Variants in LINGO2 observed in about 807,000 individuals in gnomAD.
LINGO2 encodes leucine-rich repeat and immunoglobulin-like domain-containing nogo receptor-interacting protein 2.
Under a neutral mutation model 30.6 loss-of-function variants are expected in LINGO2, and 14 were observed. The observed-to-expected ratio is 0.46, with a 90% CI of 0.30 to 0.72. The LOEUF is 0.72. Ranked by LOEUF, LINGO2 falls within the 30% of genes least tolerant of loss-of-function variation. LINGO2 has a pLI of 0.07. For missense variants in LINGO2, 729 were observed against 751.7 expected (o/e 0.97, Z 0.35); for synonymous variants, 317 against 288.5 (o/e 1.10, Z -1.00).
chr9:28,107,492 T>C (rs149787972), intron 4 of LINGO2, among the ~76,000 whole-genome samples: 8 of 152,258 alleles, frequency 5.3e-5, no homozygotes, highest in Admixed American at 5.2e-4. Context: ...CTAAGGTTTC[T>C]TCTACCTCTA....
the LINGO2 span, among the ~76,000 whole-genome samples, chr9:29,052,763 GTAC>G: frequency 6.6e-6 from 1 of 152,170 alleles, no homozygotes; most frequent in East Asian, 1.9e-4. Flanking sequence ...CAGGCCACCG[GTAC>G]TACCAGTCTG....
chr9:28,052,808 A>G (rs1388520215), intron 4 of LINGO2, among the ~76,000 whole-genome samples: 1 of 152,112 alleles, frequency 6.6e-6, no homozygotes, highest in Non-Finnish European at 1.5e-5. Flanking sequence ...GACATTTGGC[A>G]TCAAAGGGTT....
chr9:28,214,308 A>G lies in LINGO2; in HGVS notation c.-87+80900T>C, dbSNP rs538068788. 5.3e-5 allele frequency among the ~76,000 whole-genome samples: 8 copies of G among 151,778 alleles called. No individual in the cohort carries two copies. The East Asian group carries it at 1.5e-3, about 29-fold the overall frequency. On this transcript the variant is annotated intron_variant, in intron 4 of 5. Coordinates refer to ENST00000379992, the Ensembl canonical transcript of LINGO2. ...CAGCTGATAATAGTGAAAGTTGTAC[A>G]GGTATTCAAGGCAGTCATTCCCAAT...
chr9:29,113,947 T>G, the LINGO2 span, among the ~76,000 whole-genome samples: 1 of 147,958 alleles, frequency 6.8e-6, no homozygotes, highest in Non-Finnish European at 1.5e-5. Context: ...CTGAGAAAAT[T>G]TACCAAAGCT....
the LINGO2 span, among the ~76,000 whole-genome samples, chr9:29,036,433 T>C: frequency 6.6e-6 from 1 of 152,208 alleles, no homozygotes; most frequent in African/African-American, 2.4e-5. Flanking sequence ...ATCATTGTAG[T>C]AGTGTGAACC....
At chr9:28,324,643 C>T (rs1049352697) in intron 3 of LINGO2, among the ~76,000 whole-genome samples, 1 of 152,094 alleles carries the variant, frequency 6.6e-6, no homozygotes, top group Non-Finnish European at 1.5e-5. Flanking sequence ...ATACTTCCAC[C>T]AGTGCCATAA....
the LINGO2 span, among the ~76,000 whole-genome samples, chr9:29,116,462 A>T: frequency 1.3e-5 from 2 of 152,080 alleles, no homozygotes; most frequent in African/African-American, 4.8e-5. Flanking sequence ...TCTTGTTTTT[A>T]AAAAATGGAA....
At chr9:28,645,999 T>A (rs955415460) in intron 1 of LINGO2, among the ~76,000 whole-genome samples, 1 of 152,166 alleles carries the variant, frequency 6.6e-6, no homozygotes, top group Non-Finnish European at 1.5e-5. Flanking sequence ...TTTTTTAAAT[T>A]CAAAATGATT....
the LINGO2 span, among the ~76,000 whole-genome samples, chr9:29,023,034 A>T: frequency 6.6e-6 from 1 of 152,200 alleles, no homozygotes; most frequent in South Asian, 2.1e-4. Flanking sequence ...AGTAATTAAC[A>T]CCATGCTGCC....
chr9:28,326,497 CTGTT>C (rs1825234514), intron 3 of LINGO2, among the ~76,000 whole-genome samples: 1 of 152,102 alleles, frequency 6.6e-6, no homozygotes, highest in Admixed American at 6.5e-5. Flanking sequence ...TCACTGCTTC[CTGTT>C]TGTTTCTTAT....
intron 4 of LINGO2, among the ~76,000 whole-genome samples, chr9:28,243,293 C>A (rs561543852): frequency 6.6e-6 from 1 of 151,764 alleles, no homozygotes; most frequent in Non-Finnish European, 1.5e-5. Context: ...CCCATCTGTA[C>A]TAAAAAATAC....
the LINGO2 span, among the ~76,000 whole-genome samples, chr9:29,188,444 C>T: frequency 6.6e-6 from 1 of 152,296 alleles, no homozygotes; most frequent in East Asian, 1.9e-4. Flanking sequence ...AGCAACCATC[C>T]GATTTCTCAA....
chr9:28,159,741 C>CAAAT (rs1828234166), intron 4 of LINGO2, among the ~76,000 whole-genome samples: 1 of 152,128 alleles, frequency 6.6e-6, no homozygotes. Context: ...AAACAAGAGC[C>CAAAT]AAATGGCATG....
In LINGO2 at chr9:28,481,508, T is replaced by A. The variant is rs942506444; in HGVS notation, c.-364-5483A>T. Reference sequence around the variant, plus strand: ...AGGAACATTCCTTTGAGTCTCTTTATTTTCAAGTATTTGTCACCTTCCAAT... The same window carrying A: ...AGGAACATTCCTTTGAGTCTCTTTAATTTCAAGTATTTGTCACCTTCCAAT... On this transcript the variant is annotated intron_variant, in intron 1 of 5. Coordinates refer to ENST00000379992, the Ensembl canonical transcript of LINGO2. Among the ~76,000 whole-genome samples the A allele has an allele frequency of 1.3e-4, 20 of 152,220 alleles. 1 individual carries two copies. In the East Asian group the frequency reaches 3.7e-3, roughly 28 times the overall value.
At chr9:28,343,770 A>G (rs1381902407) in intron 3 of LINGO2, among the ~76,000 whole-genome samples, 1 of 152,156 alleles carries the variant, frequency 6.6e-6, no homozygotes, top group Non-Finnish European at 1.5e-5. Context: ...TCTATAGGAC[A>G]CATATGAAGA....
intron 4 of LINGO2, among the ~76,000 whole-genome samples, chr9:28,139,335 C>G (rs540660405): frequency 6.6e-6 from 1 of 152,298 alleles, no homozygotes; most frequent in East Asian, 1.9e-4. Flanking sequence ...ATAGTATAGA[C>G]AAATAGTGGA....
At chr9:28,037,613 C>A (rs1452352) in intron 4 of LINGO2, among the ~76,000 whole-genome samples, 112,023 of 152,176 alleles carry the variant, frequency 0.74, 42,122 homozygotes, top group Non-Finnish European at 0.81. Context: ...TTATCCGCAG[C>A]GCTTGAGCTC....
the LINGO2 span, among the ~76,000 whole-genome samples, chr9:28,809,299 G>A: frequency 6.6e-6 from 1 of 152,158 alleles, no homozygotes; most frequent in Non-Finnish European, 1.5e-5. Context: ...AGAATCCTTG[G>A]CACCTGCCTG....
chr9:28,856,120 G>A, the LINGO2 span, among the ~76,000 whole-genome samples: 5 of 151,894 alleles, frequency 3.3e-5, no homozygotes, highest in South Asian at 4.1e-4. Context: ...TTGCTTCAAC[G>A]AATAGGAAGC....
Sources: gnomAD v4.1 joint callset for allele counts (sites outside exome capture counted in the v4.1 genomes callset) on GRCh38, gnomAD v4.1.1 for gene constraint, MANE v1.5 for transcripts, NCBI Gene and HGNC (gene_info 2026-07-23, HGNC 2026-07-21) for gene names.